The following ABAT variants were observed in gnomAD, a reference collection of about 807,000 sequenced individuals.
ABAT encodes 4-aminobutyrate aminotransferase, mitochondrial.
ABAT carries 45 observed loss-of-function variants against 64.6 expected under a neutral mutation model. The ratio of observed to expected loss-of-function variants is 0.70; its 90% CI spans 0.55 to 0.89. ABAT has a LOEUF of 0.89. ABAT is among the 40% of genes least tolerant of loss of function. ABAT has a pLI of 0.00. For missense variants in ABAT, 633 were observed against 658.4 expected, an observed-to-expected ratio of 0.96 and a Z score of 0.42; for synonymous variants, 297 against 250.5, an observed-to-expected ratio of 1.19 and a Z score of -1.75.
rs149407890 is a variant in ABAT at position 8,675,239 on chromosome 16, G to A, written c.-42+528G>A. On this transcript the variant is annotated intron_variant, in intron 1 of 15. Transcript: ENST00000268251. ...GTCACCCTCCCACCCCAGATACTGG[G>A]CTCTGGAGAGATAGATGATTCACCC... Among the ~76,000 whole-genome samples the A allele has an allele frequency of 1.7e-3, 256 of 152,096 alleles. 1 individual carries two copies. The highest frequency in any genetic ancestry group is 6.0e-3 in the African/African-American group (247 of 41,476).
intron 4 of ABAT, among the ~76,000 whole-genome samples, chr16:8,749,300 G>C (rs1252612738): frequency 1.3e-5 from 2 of 150,588 alleles, no homozygotes; most frequent in Non-Finnish European, 2.9e-5. Context: ...ACGTTGGTCA[G>C]GCTGGTCTCG....
At chr16:8,706,420 A>AAAG in intron 1 of ABAT, among the ~76,000 whole-genome samples, 1 of 148,056 alleles carries the variant, frequency 6.8e-6, no homozygotes, top group South Asian at 2.1e-4. Flanking sequence ...AAAAAAAAAA[A>AAAG]AAAGAAAAGA....
intron 1 of ABAT, among the ~76,000 whole-genome samples, chr16:8,704,813 ATTG>A (rs1221048936): frequency 6.6e-6 from 1 of 152,064 alleles, no homozygotes; most frequent in Non-Finnish European, 1.5e-5. Context: ...GGTCATTTAC[ATTG>A]TTTTCAACTG....
chr16:8,771,293 CT>C (rs2060098627), intron 11 of ABAT, among the ~76,000 whole-genome samples: 1 of 148,024 alleles, frequency 6.8e-6, no homozygotes, highest in Non-Finnish European at 1.5e-5. Flanking sequence ...AAAACTCCAT[CT>C]CAAAAAAAAA....
chr16:8,745,915 G>A, intron 2 of ABAT, 86 bp from the exon 3 acceptor site: 2 of 1,324,050 alleles, frequency 1.5e-6, no homozygotes, highest in South Asian at 1.2e-5. Context: ...CACTACCTCT[G>A]TTAGGGACAT....
chr16:8,745,708 G>GAATA (rs2059308917), intron 2 of ABAT, among the ~76,000 whole-genome samples: 1 of 151,946 alleles, frequency 6.6e-6, no homozygotes, highest in African/African-American at 2.4e-5. Context: ...AAAAAAAAAT[G>GAATA]AATAAATAAA....
At position 8,745,996 on chromosome 16, in the gene ABAT, T is replaced by C. The variant is rs2059317153; in HGVS notation, c.71-5T>C. ...GGGATTTCTCATTGTCTTTGTTTACTGCAGGATCCAGACACATTAGTCAAG... is the reference window on the plus strand; with the variant it reads ...GGGATTTCTCATTGTCTTTGTTTACCGCAGGATCCAGACACATTAGTCAAG... On this transcript the variant is annotated splice_polypyrimidine_tract_variant and splice_region_variant and intron_variant, in intron 2 of 15. Transcript: ENST00000268251. 1 of 1,613,464 alleles carries C rather than the reference T, an allele frequency of 6.2e-7. No individual in the cohort carries two copies. Among genetic ancestry groups the C allele is most frequent in the Non-Finnish European group, 8.5e-7 (1 of 1,179,574 alleles).
intron 5 of ABAT, among the ~76,000 whole-genome samples, chr16:8,756,989 C>A (rs987986765): frequency 9.9e-5 from 15 of 152,226 alleles, no homozygotes; most frequent in Admixed American, 7.9e-4. Flanking sequence ...ATGCGGGTCA[C>A]AGATTGCAGG....
At chr16:8,751,726 A>G (rs146099147) in intron 5 of ABAT, among the ~76,000 whole-genome samples, 1 of 152,226 alleles carries the variant, frequency 6.6e-6, no homozygotes, top group East Asian at 1.9e-4. Flanking sequence ...GTTATTATCA[A>G]TCAACACACA....
intron 14 of ABAT, among the ~76,000 whole-genome samples, chr16:8,778,685 C>T (rs1201444060): frequency 6.6e-6 from 1 of 150,486 alleles, no homozygotes; most frequent in Non-Finnish European, 1.5e-5. Flanking sequence ...GGCTGAAGCA[C>T]AAGAATCTTT....
At chr16:8,711,992 C>A (rs971562738) in intron 1 of ABAT, among the ~76,000 whole-genome samples, 8 of 103,050 alleles carry the variant, frequency 7.8e-5, no homozygotes, top group Admixed American at 2.3e-4. Context: ...GTAATCCTAG[C>A]ACTTTGGGAG....
chr16:8,740,119 G>C (rs1315010084), intron 2 of ABAT, among the ~76,000 whole-genome samples: 1 of 152,020 alleles, frequency 6.6e-6, no homozygotes, highest in African/African-American at 2.4e-5. Flanking sequence ...TCAAGTCAGG[G>C]AAATTAAGTT....
chr16:8,737,471 C>G (rs1257058940), intron 2 of ABAT: 4 of 102,082 alleles, frequency 3.9e-5, no homozygotes, highest in East Asian at 5.5e-4. Context: ...GAGGCTCTGT[C>G]TCAAAAAAAT....
At chr16:8,743,318 C>CTG (rs56100974) in intron 2 of ABAT, among the ~76,000 whole-genome samples, 11,337 of 141,926 alleles carry the variant, frequency 0.08, 490 homozygotes, top group South Asian at 0.12. Context: ...ATGTGTGTCT[C>CTG]TGTGTGTGTG....
At chr16:8,708,037 C>A (rs1271552280) in intron 1 of ABAT, among the ~76,000 whole-genome samples, 1 of 152,206 alleles carries the variant, frequency 6.6e-6, no homozygotes, top group Non-Finnish European at 1.5e-5. Flanking sequence ...AAGCTGGAAC[C>A]AGTGGACTTC....
intron 2 of ABAT, among the ~76,000 whole-genome samples, chr16:8,745,376 C>T (rs368100814): frequency 2.0e-5 from 3 of 152,174 alleles, no homozygotes; most frequent in East Asian, 1.9e-4. Flanking sequence ...ATCATAAAAA[C>T]GAGATTACTC....
At chr16:8,681,009 A>T (rs2057321057) in intron 1 of ABAT, among the ~76,000 whole-genome samples, 1 of 144,320 alleles carries the variant, frequency 6.9e-6, no homozygotes, top group African/African-American at 2.6e-5. Context: ...ACAGAGTCTC[A>T]CCCTGTCTGT....
intron 14 of ABAT, among the ~76,000 whole-genome samples, chr16:8,778,532 T>C (rs2143000549): frequency 6.6e-6 from 1 of 152,300 alleles, no homozygotes; most frequent in African/African-American, 2.4e-5. Flanking sequence ...CCCAGCACTT[T>C]GGGAGGCCAA....
chr16:8,774,908 G>T lies in ABAT; in HGVS notation c.973G>T (p.Val325Leu). ...CGGCCAGCATGGCTGCGCCTTCTTG[G>T]TGGACGAGGTCCAGACCGGAGGAGG... Reference protein sequence around the residue: ...IARKHGCAFLVDEVQTGGGCT... With the variant: ...IARKHGCAFLLDEVQTGGGCT... The change falls in exon 13 of 16, where the codon GTG (valine) becomes TTG (leucine). Residue 325 changes from valine (V) to leucine (L), a missense_variant. Val to Leu is a conservative substitution (Grantham distance 32). Transcript: ENST00000268251. 1 of 1,614,102 alleles carries T rather than the reference G, an allele frequency of 6.2e-7. No individual in the cohort carries two copies. Among genetic ancestry groups the T allele is most frequent in the Non-Finnish European group, 8.5e-7 (1 of 1,180,024 alleles).
Sources: allele counts gnomAD v4.1 joint callset (sites outside exome capture counted in the v4.1 genomes callset), GRCh38; gene constraint gnomAD v4.1.1; transcripts MANE v1.5; gene names NCBI Gene and HGNC (gene_info 2026-07-23, HGNC 2026-07-21).